Variants in TMLHE observed in about 807,000 individuals in gnomAD.
The protein encoded by TMLHE is trimethyllysine dioxygenase, mitochondrial.
A neutral mutation model predicts 25.7 loss-of-function variants in TMLHE; 18 were observed. The ratio of observed to expected loss-of-function variants is 0.70; its 90% CI spans 0.48 to 1.04. TMLHE has a LOEUF of 1.04. TMLHE is among the 50% of genes least tolerant of loss of function. The probability of loss-of-function intolerance (pLI) is 0.00; values close to 1 mark genes in which losing one functional copy is unlikely to be tolerated. For synonymous variants in TMLHE, 105 were observed against 97.0 expected, an observed-to-expected ratio of 1.08 and a Z score of -0.49; for missense variants, 236 against 259.0, an observed-to-expected ratio of 0.91 and a Z score of 0.61.
In TMLHE at chrX:155,514,249, C is replaced by A. The variant is rs782395456; in HGVS notation, c.375G>T (p.Val125=). The change falls in exon 4 of 8, where the codon GTG becomes GTT. Residue 125 remains valine, a synonymous_variant. Coordinates refer to ENST00000334398, the MANE Select transcript of TMLHE (RefSeq NM_018196.4). ...TLFFTWPDGH[V]TKYDLNWLVK... ...CCAGCCAATTCAAATCATATTTAGT[C>A]ACATGACCATCTGGCCCTTTTAAGG... 2.7e-5 allele frequency: 32 copies of A among 1,202,172 alleles called. No individual in the cohort carries two copies. Among genetic ancestry groups the A allele is most frequent in the Non-Finnish European group, 3.1e-5 (28 of 889,947 alleles).
chrX:155,550,721 A>G (rs782193800), intron 1 of TMLHE, among the ~76,000 whole-genome samples: 2 of 110,678 alleles, frequency 1.8e-5, no homozygotes, highest in African/African-American at 6.7e-5. Flanking sequence ...TGGTTTCTCA[A>G]TCCTGATGGC....
intron 1 of TMLHE, among the ~76,000 whole-genome samples, chrX:155,559,594 A>G (rs1343098778): frequency 1.8e-5 from 2 of 112,266 alleles, no homozygotes; most frequent in Non-Finnish European, 3.8e-5. Flanking sequence ...ATAGCTAGAA[A>G]TTCTAGTCAG....
intron 1 of TMLHE, among the ~76,000 whole-genome samples, chrX:155,602,878 G>T (rs782295731): frequency 8.9e-6 from 1 of 112,092 alleles, no homozygotes; most frequent in Non-Finnish European, 1.9e-5. Context: ...AAAAGTAAAA[G>T]ATTTTTACAC....
intron 1 of TMLHE, among the ~76,000 whole-genome samples, chrX:155,603,369 T>TGAAA (rs202078084): frequency 0.078 from 7,752 of 99,165 alleles, 297 homozygotes; most frequent in African/African-American, 0.11. Flanking sequence ...AAAGAAAGAA[T>TGAAA]GAAAGAAAGA....
chrX:155,580,567 A>G (rs781959426), intron 1 of TMLHE, among the ~76,000 whole-genome samples: 2 of 112,327 alleles, frequency 1.8e-5, no homozygotes, highest in Non-Finnish European at 3.8e-5. Context: ...CCGTTTTCAC[A>G]CTGCTGATAA....
chrX:155,539,833 CAAAT>C (rs2067300501), intron 2 of TMLHE, among the ~76,000 whole-genome samples: 2 of 110,320 alleles, frequency 1.8e-5, no homozygotes, highest in African/African-American at 3.3e-5. Context: ...AGAATATCAA[CAAAT>C]AAATAAAAGT....
At chrX:155,592,459 C>A (rs782196884) in intron 1 of TMLHE, among the ~76,000 whole-genome samples, 1 of 111,789 alleles carries the variant, frequency 8.9e-6, no homozygotes, top group Admixed American at 9.4e-5. Flanking sequence ...AATAAAAACC[C>A]ATTAGAAGGA....
chrX:155,572,590 G>A lies in TMLHE; in HGVS notation c.-1-27313C>T, dbSNP rs1405437131. Among the ~76,000 whole-genome samples the A allele has an allele frequency of 1.1e-4, 6 of 56,691 alleles. No individual in the cohort carries two copies. In the East Asian group the frequency reaches 2.2e-3, roughly 21 times the overall value. 49.2% of individuals were successfully genotyped at this position (56,691 alleles called of 115,157 possible). ...ACGCTACCTGACTTCAAACTATACCGCAAGGCTACAGTAACCAAAACAGCA... is the reference window on the plus strand; with the variant it reads ...ACGCTACCTGACTTCAAACTATACCACAAGGCTACAGTAACCAAAACAGCA... On this transcript the variant is annotated intron_variant, in intron 1 of 7. Coordinates refer to ENST00000334398, the MANE Select transcript of TMLHE (RefSeq NM_018196.4).
intron 2 of TMLHE, among the ~76,000 whole-genome samples, chrX:155,526,634 G>T (rs1249908116): frequency 1.8e-5 from 2 of 112,184 alleles, no homozygotes; most frequent in Non-Finnish European, 3.8e-5. Context: ...CCAACAACTT[G>T]CACTGTGCAC....
chrX:155,555,773 C>G (rs2067448948), intron 1 of TMLHE, among the ~76,000 whole-genome samples: 1 of 110,482 alleles, frequency 9.1e-6, no homozygotes, highest in African/African-American at 3.3e-5. Context: ...GATATTAGCC[C>G]TTTGTCAGAT....
intron 1 of TMLHE, among the ~76,000 whole-genome samples, chrX:155,554,245 A>G (rs897642604): frequency 2.7e-5 from 3 of 110,548 alleles, no homozygotes; most frequent in Admixed American, 1.9e-4. Flanking sequence ...CCTGCACTTC[A>G]TTCATTATAT....
intron 3 of TMLHE, among the ~76,000 whole-genome samples, chrX:155,515,518 C>A (rs1022240417): frequency 7.2e-5 from 8 of 110,839 alleles, no homozygotes; most frequent in African/African-American, 2.6e-4. Context: ...TTAGAAATTT[C>A]AAAGATATAA....
At chrX:155,509,397 G>C (rs1189141137) in intron 5 of TMLHE, among the ~76,000 whole-genome samples, 1 of 111,612 alleles carries the variant, frequency 9.0e-6, no homozygotes, top group African/African-American at 3.3e-5. Context: ...ATCTGGGTCT[G>C]GTTGATGCCA....
At position 155,562,323 on chromosome X, in the gene TMLHE, G is replaced by C. The variant is rs2067499749; in HGVS notation, c.-1-17046C>G. ...CCCCTTTAAGCCACAGTTGGAGCTG[G>C]AGTGGCTGGGATGCAGGGCACCATT... On this transcript the variant is annotated intron_variant, in intron 1 of 7. Transcript: ENST00000334398. Among the ~76,000 whole-genome samples the C allele has an allele frequency of 3.2e-5, 2 of 61,790 alleles. 1 individual carries two copies. The allele number at this position is 61,790 out of a possible 115,157, so 53.7% of individuals were successfully genotyped here.
At chrX:155,531,339 T>C (rs1470424101) in intron 2 of TMLHE, among the ~76,000 whole-genome samples, 3 of 111,738 alleles carry the variant, frequency 2.7e-5, no homozygotes, top group African/African-American at 9.8e-5. Context: ...CATCTGCTTC[T>C]GGTGAGGGCC....
chrX:155,524,563 G>A lies in TMLHE; in HGVS notation c.251C>T (p.Ser84Leu), dbSNP rs782102947. Residue 84 changes from serine to leucine, a missense_variant, in exon 3 of 8, where the codon TCG (serine) becomes TTG (leucine). Transcript: ENST00000334398. ...VWLRDHCRSA[S>L]CYNSKTHQRS... ...CTGGTGAGTCTTAGAGTTGTAGCACGATGCTGAGCGGCAGTGGTCTCGAAG... is the reference window on the plus strand; with the variant it reads ...CTGGTGAGTCTTAGAGTTGTAGCACAATGCTGAGCGGCAGTGGTCTCGAAG... The A allele has an allele frequency of 3.6e-5, 43 of 1,205,738 alleles. No homozygotes were observed. Among genetic ancestry groups the A allele is most frequent in the African/African-American group, 3.5e-5 (2 of 57,095 alleles).
At chrX:155,512,245 C>A (rs1012726413) in intron 4 of TMLHE, among the ~76,000 whole-genome samples, 2 of 108,810 alleles carry the variant, frequency 1.8e-5, no homozygotes, top group African/African-American at 3.4e-5. Flanking sequence ...TATACATGTG[C>A]CATGCTGGTG....
intron 2 of TMLHE, among the ~76,000 whole-genome samples, chrX:155,543,170 T>C (rs1227965480): frequency 9.0e-6 from 1 of 111,179 alleles, no homozygotes; most frequent in East Asian, 2.8e-4. Flanking sequence ...TTCCTACTCT[T>C]ACTCCACATA....
In TMLHE at chrX:155,524,551, G is replaced by A. The variant is rs2067207580; in HGVS notation, c.263C>T (p.Ser88Phe). 2.5e-6 allele frequency: 3 copies of A among 1,209,567 alleles called. No homozygotes were observed. Among genetic ancestry groups the A allele is most frequent in the Non-Finnish European group, 3.4e-6 (3 of 894,330 alleles). ...DHCRSASCYN[S>F]KTHQRSLDTA... ...ATCCAGGCTGCGCTGGTGAGTCTTA[G>A]AGTTGTAGCACGATGCTGAGCGGCA... Residue 88 changes from serine to phenylalanine, a missense_variant, in exon 3 of 8, where the codon TCT (serine) becomes TTT (phenylalanine). Ser to Phe is a radical substitution (Grantham distance 155). Transcript: ENST00000334398.
Sources: gnomAD v4.1 joint callset for allele counts (sites outside exome capture counted in the v4.1 genomes callset) on GRCh38, gnomAD v4.1.1 for gene constraint, MANE v1.5 for transcripts, NCBI Gene and HGNC (gene_info 2026-07-23, HGNC 2026-07-21) for gene names.